The following FOXP1 variants were observed in gnomAD, a reference collection of about 807,000 sequenced individuals.
The protein encoded by FOXP1 is forkhead box protein P1.
FOXP1 carries 15 observed loss-of-function variants against 98.2 expected under a neutral mutation model. The observed-to-expected ratio is 0.15, with a 90% CI of 0.10 to 0.24. The LOEUF (loss-of-function observed/expected upper bound fraction) is 0.24. Among genes scored for constraint, FOXP1 ranks in the 10% least tolerant of loss-of-function variants. The pLI is 1.00. For synonymous variants in FOXP1, 371 were observed against 314.5 expected (o/e 1.18, Z -1.90); for missense variants, 633 against 848.5 (o/e 0.75, Z 3.15).
intron 5 of FOXP1, among the ~76,000 whole-genome samples, chr3:71,266,864 C>G (rs551698927): frequency 6.6e-6 from 1 of 152,302 alleles, no homozygotes; most frequent in East Asian, 1.9e-4. Context: ...ACGATAATGG[C>G]CGCCAGCTCC....
chr3:71,034,554 TA>T (rs1307896350), intron 11 of FOXP1, among the ~76,000 whole-genome samples: 6 of 151,818 alleles, frequency 4.0e-5, no homozygotes, highest in Non-Finnish European at 7.4e-5. Flanking sequence ...AAATAAAAAA[TA>T]AAAAAAATTA....
At chr3:71,096,402 A>G (rs997018719) in intron 7 of FOXP1, among the ~76,000 whole-genome samples, 1 of 152,198 alleles carries the variant, frequency 6.6e-6, no homozygotes, top group Non-Finnish European at 1.5e-5. Context: ...AAAAGCTTTG[A>G]TCCCTAGATC....
chr3:71,179,098 C>A (rs2062124915), intron 6 of FOXP1, among the ~76,000 whole-genome samples: 1 of 149,022 alleles, frequency 6.7e-6, no homozygotes, highest in South Asian at 2.1e-4. Flanking sequence ...GGATGGCCTA[C>A]CTATTTTACC....
At chr3:71,226,594 T>C (rs1026319443) in intron 5 of FOXP1, among the ~76,000 whole-genome samples, 7 of 151,492 alleles carry the variant, frequency 4.6e-5, no homozygotes, top group Non-Finnish European at 7.4e-5. Flanking sequence ...TCTCACTCCC[T>C]CCCTACCCCC....
chr3:70,955,508 G>C lies in FOXP1; in HGVS notation c.*3739C>G, dbSNP rs1490644540. On this transcript the variant is annotated 3_prime_UTR_variant, in exon 21 of 21. Transcript: ENST00000649528. ...TGACACACGGGACTACCTCCCTAATGTATGCTTTTCTTTGAGAAAAAAAAA... is the reference window on the plus strand; with the variant it reads ...TGACACACGGGACTACCTCCCTAATCTATGCTTTTCTTTGAGAAAAAAAAA... 8.7e-6 allele frequency: 2 copies of C among 231,138 alleles called. No individual in the cohort carries two copies. The highest frequency in any genetic ancestry group is 1.2e-4 in the East Asian group (2 of 16,414). 14.3% of individuals were successfully genotyped at this position (231,138 alleles called of 1,614,324 possible). A position where few individuals can be genotyped will look rare whatever the true frequency, so the allele number is the denominator to read the frequency against.
Position 71,367,291 on chromosome 3 carries a change from G to T in FOXP1, c.-167-8047C>A, listed in dbSNP as rs140930143. On this transcript the variant is annotated intron_variant, in intron 3 of 20. Coordinates refer to ENST00000649528, the MANE Select transcript of FOXP1 (RefSeq NM_001349338.3). Reference sequence around the variant, plus strand: ...AAAAAACCCACAATAAATGTGATCAGCATTCATCAGTGTCTCTCTCACATA... The same window carrying T: ...AAAAAACCCACAATAAATGTGATCATCATTCATCAGTGTCTCTCTCACATA... Among the ~76,000 whole-genome samples, 1,038 of 152,238 alleles carry T rather than the reference G, an allele frequency of 6.8e-3. 28 individuals are homozygous for T. Among genetic ancestry groups the T allele is most frequent in the Non-Finnish European group, 4.0e-3 (270 of 68,016 alleles).
At chr3:71,559,790 T>G (rs1277697210) in intron 2 of FOXP1, among the ~76,000 whole-genome samples, 1 of 151,568 alleles carries the variant, frequency 6.6e-6, no homozygotes, top group African/African-American at 2.4e-5. Flanking sequence ...AAGGCTGCAG[T>G]GAGCCGTGAT....
At chr3:71,319,525 A>T (rs914077970) in intron 4 of FOXP1, among the ~76,000 whole-genome samples, 1 of 152,192 alleles carries the variant, frequency 6.6e-6, no homozygotes, top group Non-Finnish European at 1.5e-5. Context: ...CAGTGATGAA[A>T]CAAAAATTCT....
In FOXP1 at chr3:71,089,429, T is replaced by C. The variant is rs115455346; in HGVS notation, c.282+23107A>G. On this transcript the variant is annotated intron_variant, in intron 7 of 20. Transcript: ENST00000649528. ...TTTTGACTGCAATCTCATGAGATGC[T>C]ATGAGCCTGAACCACCCAGCTAAGC... Among the ~76,000 whole-genome samples the C allele has an allele frequency of 5.8e-3, 878 of 152,258 alleles. 10 individuals carry two copies. The highest frequency in any genetic ancestry group is 0.021 in the African/African-American group (858 of 41,554).
intron 3 of FOXP1, among the ~76,000 whole-genome samples, chr3:71,383,788 C>T (rs1232247741): frequency 2.0e-5 from 3 of 152,112 alleles, no homozygotes; most frequent in Non-Finnish European, 2.9e-5. Context: ...ACTAAATTGC[C>T]GTTTTTAAGA....
intron 6 of FOXP1, among the ~76,000 whole-genome samples, chr3:71,189,470 G>A (rs2062838399): frequency 6.6e-6 from 1 of 152,206 alleles, no homozygotes; most frequent in Admixed American, 6.5e-5. Context: ...TACACAGAAT[G>A]TCTTTCTGTA....
At chr3:71,143,274 T>A (rs1292965655) in intron 6 of FOXP1, among the ~76,000 whole-genome samples, 1 of 152,226 alleles carries the variant, frequency 6.6e-6, no homozygotes, top group Non-Finnish European at 1.5e-5. Flanking sequence ...GAATTGTCCT[T>A]GGCTAGAAAA....
intron 3 of FOXP1, among the ~76,000 whole-genome samples, chr3:71,364,804 T>C (rs997327825): frequency 6.6e-6 from 1 of 152,234 alleles, no homozygotes; most frequent in Non-Finnish European, 1.5e-5. Context: ...AAGTCACATT[T>C]CAAACAAAAT....
At chr3:71,563,987 T>G (rs1293310498) in intron 2 of FOXP1, among the ~76,000 whole-genome samples, 2 of 152,272 alleles carry the variant, frequency 1.3e-5, no homozygotes, top group African/African-American at 4.8e-5. Flanking sequence ...AATGCTTGTA[T>G]ATTATACCTG....
intron 5 of FOXP1, among the ~76,000 whole-genome samples, chr3:71,234,496 A>G (rs2066609491): frequency 6.6e-6 from 1 of 152,246 alleles, no homozygotes; most frequent in Non-Finnish European, 1.5e-5. Context: ...CCTTGGAGGC[A>G]CAAGTTGCAC....
chr3:71,430,345 A>G (rs1216831361), intron 3 of FOXP1, among the ~76,000 whole-genome samples: 1 of 152,220 alleles, frequency 6.6e-6, no homozygotes, highest in Non-Finnish European at 1.5e-5. Flanking sequence ...AGCCGAATGA[A>G]TAATAGTACA....
intron 20 of FOXP1, among the ~76,000 whole-genome samples, chr3:70,960,959 A>G (rs2106899461): frequency 6.8e-6 from 1 of 148,148 alleles, no homozygotes; most frequent in Non-Finnish European, 1.5e-5. Flanking sequence ...CTCCTGCCTC[A>G]GCCTCCTGAG....
intron 5 of FOXP1, among the ~76,000 whole-genome samples, chr3:71,297,489 CAAAA>C (rs756846802): frequency 1.1e-5 from 1 of 93,046 alleles, no homozygotes; most frequent in Non-Finnish European, 2.2e-5. Context: ...CAGGTGATTA[CAAAA>C]AAAAAAAAAA....
intron 12 of FOXP1, among the ~76,000 whole-genome samples, chr3:71,005,069 T>C (rs1419392456): frequency 6.6e-6 from 1 of 152,060 alleles, no homozygotes; most frequent in African/African-American, 2.4e-5. Context: ...CTTGCTAAAA[T>C]ACAGCTATAA....
Sources: allele counts gnomAD v4.1 joint callset (sites outside exome capture counted in the v4.1 genomes callset), GRCh38; gene constraint gnomAD v4.1.1; transcripts MANE v1.5; gene names NCBI Gene and HGNC (gene_info 2026-07-23, HGNC 2026-07-21).